Variants in DIAPH3 observed in about 807,000 individuals in gnomAD.
DIAPH3 encodes diaphanous related formin 3.
Under a neutral mutation model 144.3 loss-of-function variants are expected in DIAPH3, and 117 were observed. That is an observed-to-expected ratio of 0.81 (90% CI 0.70 to 0.95). DIAPH3 has a LOEUF of 0.95. Among genes scored for constraint, DIAPH3 ranks in the 40% least tolerant of loss-of-function variants. The pLI, the probability that DIAPH3 is intolerant of heterozygous loss-of-function variation, is 0.00. For missense variants in DIAPH3, 1,421 were observed against 1,412.7 expected, an observed-to-expected ratio of 1.01 and a Z score of -0.09; for synonymous variants, 519 against 488.9, an observed-to-expected ratio of 1.06 and a Z score of -0.81.
intron 27 of DIAPH3, among the ~76,000 whole-genome samples, chr13:59,674,317 T>G (rs2032530624): frequency 6.6e-6 from 1 of 152,200 alleles, no homozygotes; most frequent in Non-Finnish European, 1.5e-5. Context: ...ATTTAGTATA[T>G]TTACCTTGTT....
At chr13:60,100,398 A>C (rs1443372546) in intron 3 of DIAPH3, among the ~76,000 whole-genome samples, 1 of 152,200 alleles carries the variant, frequency 6.6e-6, no homozygotes, top group Non-Finnish European at 1.5e-5. Flanking sequence ...AAGCTCATAA[A>C]AGATAAGGAA....
intron 4 of DIAPH3, among the ~76,000 whole-genome samples, chr13:60,091,178 C>CATA (rs1033483893): frequency 1.2e-4 from 19 of 152,208 alleles, no homozygotes; most frequent in African/African-American, 4.6e-4. Context: ...CTACACAAAA[C>CATA]ATAAACACTA....
Position 59,741,659 on chromosome 13 carries a change from G to A in DIAPH3, c.3319+32530C>T, listed in dbSNP as rs188942471. Reference sequence around the variant, plus strand: ...TTGAGCCCAGGAGGTTGAGGCTGCAGTAAGCCGTGATTGCACCACTGCCTT... The same window carrying A: ...TTGAGCCCAGGAGGTTGAGGCTGCAATAAGCCGTGATTGCACCACTGCCTT... On this transcript the variant is annotated intron_variant, in intron 27 of 27. Coordinates refer to ENST00000400324, the MANE Select transcript of DIAPH3 (RefSeq NM_001042517.2). Among the ~76,000 whole-genome samples, 74 of 149,214 alleles carry A rather than the reference G, an allele frequency of 5.0e-4. 3 individuals are homozygous for A. In the East Asian group the frequency reaches 0.014, roughly 27 times the overall value.
At chr13:59,933,409 T>C (rs1312269890) in intron 17 of DIAPH3, among the ~76,000 whole-genome samples, 1 of 152,116 alleles carries the variant, frequency 6.6e-6, no homozygotes, top group Admixed American at 6.5e-5. Flanking sequence ...ACGATCAGAG[T>C]CCATAAACAC....
intron 20 of DIAPH3, among the ~76,000 whole-genome samples, chr13:59,905,357 A>C (rs2046678267): frequency 6.6e-6 from 1 of 150,610 alleles, no homozygotes; most frequent in Non-Finnish European, 1.5e-5. Context: ...AAAAAAAAAA[A>C]AAAAAAAAAA....
intron 1 of DIAPH3, 38 bp downstream of exon 1, chr13:60,163,549 G>T: frequency 6.4e-7 from 1 of 1,568,624 alleles, no homozygotes; most frequent in Non-Finnish European, 8.7e-7. Flanking sequence ...CTACGGCGGG[G>T]CGGGAGCGGC....
At chr13:59,705,056 C>T (rs1441689895) in intron 27 of DIAPH3, among the ~76,000 whole-genome samples, 3 of 152,118 alleles carry the variant, frequency 2.0e-5, no homozygotes, top group Middle Eastern at 3.2e-3. Flanking sequence ...TTTGTCCTTC[C>T]AGTCTGACAG....
At chr13:60,075,700 C>T (rs913665229) in intron 4 of DIAPH3, among the ~76,000 whole-genome samples, 3 of 152,178 alleles carry the variant, frequency 2.0e-5, no homozygotes, top group African/African-American at 7.2e-5. Context: ...CAGATCTTCA[C>T]CATTTTCCCA....
At chr13:60,136,835 G>C (rs1347917237) in intron 1 of DIAPH3, among the ~76,000 whole-genome samples, 2 of 152,112 alleles carry the variant, frequency 1.3e-5, no homozygotes, top group Non-Finnish European at 2.9e-5. Context: ...AGCTACTCGG[G>C]AGGCTGAGAC....
At chr13:59,745,707 G>A (rs915413766) in intron 27 of DIAPH3, among the ~76,000 whole-genome samples, 1 of 152,152 alleles carries the variant, frequency 6.6e-6, no homozygotes, top group Non-Finnish European at 1.5e-5. Context: ...GAGAGGAGCA[G>A]CCTACCCAGC....
intron 22 of DIAPH3, among the ~76,000 whole-genome samples, chr13:59,856,213 A>G (rs970603717): frequency 6.6e-6 from 1 of 152,210 alleles, no homozygotes; most frequent in Non-Finnish European, 1.5e-5. Context: ...CATCCAACAC[A>G]GCAGCTCTAC....
intron 17 of DIAPH3, among the ~76,000 whole-genome samples, chr13:59,956,763 C>A (rs2049430735): frequency 6.6e-6 from 1 of 152,204 alleles, no homozygotes; most frequent in African/African-American, 2.4e-5. Context: ...GACACCACCC[C>A]ATGAAAGCAG....
intron 27 of DIAPH3, among the ~76,000 whole-genome samples, chr13:59,757,072 G>GA (rs1187285648): frequency 6.6e-6 from 1 of 152,162 alleles, no homozygotes; most frequent in African/African-American, 2.4e-5. Context: ...AATAAAGGAT[G>GA]AAAATATATG....
chr13:59,737,540 T>C (rs1217888635), intron 27 of DIAPH3, among the ~76,000 whole-genome samples: 1 of 152,072 alleles, frequency 6.6e-6, no homozygotes, highest in African/African-American at 2.4e-5. Context: ...CCTCAGAGTA[T>C]AAAAAAGATA....
At chr13:60,158,005 T>C (rs1298667402) in intron 1 of DIAPH3, among the ~76,000 whole-genome samples, 1 of 152,220 alleles carries the variant, frequency 6.6e-6, no homozygotes, top group African/African-American at 2.4e-5. Flanking sequence ...CCTCTGGTTT[T>C]TTATGCCAGT....
intron 22 of DIAPH3, among the ~76,000 whole-genome samples, chr13:59,844,524 A>C (rs995752987): frequency 4.7e-4 from 71 of 151,832 alleles, no homozygotes; most frequent in Admixed American, 3.4e-3. Context: ...AAAAGGAAAA[A>C]ACAAAACAAA....
At chr13:60,156,939 ATTTTTTT>A (rs757042309) in intron 1 of DIAPH3, among the ~76,000 whole-genome samples, 1 of 82,044 alleles carries the variant, frequency 1.2e-5, no homozygotes, top group African/African-American at 5.4e-5. Flanking sequence ...ATATATATAT[ATTTTTTT>A]TTTTTTTTTT....
rs562513133 is a variant in DIAPH3 at position 59,944,739 on chromosome 13, C to T, written c.2075-19869G>A. On this transcript the variant is annotated intron_variant, in intron 17 of 27. Transcript: ENST00000400324. ...TATTAATGCATAGTTGAATTAAAAACTACTATGTTTAACACTAACTTGTTT... is the reference window on the plus strand; with the variant it reads ...TATTAATGCATAGTTGAATTAAAAATTACTATGTTTAACACTAACTTGTTT... Among the ~76,000 whole-genome samples, 3 of 150,154 alleles carry T rather than the reference C, an allele frequency of 2.0e-5. No homozygotes were observed. The Admixed American group carries it at 2.0e-4, about 10-fold the overall frequency.
At chr13:59,674,096 C>T (rs115603867) in intron 27 of DIAPH3, among the ~76,000 whole-genome samples, 176 of 152,312 alleles carry the variant, frequency 1.2e-3, no homozygotes, top group African/African-American at 4.1e-3. Context: ...TTTTAGAGGA[C>T]TGTGACCTGT....
Sources: allele counts gnomAD v4.1 joint callset (sites outside exome capture counted in the v4.1 genomes callset), GRCh38; gene constraint gnomAD v4.1.1; transcripts MANE v1.5; gene names NCBI Gene and HGNC (gene_info 2026-07-23, HGNC 2026-07-21).